SLC36A4: variants seen among roughly 807,000 people sequenced by gnomAD.
The protein encoded by SLC36A4 is neutral amino acid uniporter 4.
A neutral mutation model predicts 50.5 loss-of-function variants in SLC36A4; 49 were observed. The ratio of observed to expected loss-of-function variants is 0.97; its 90% confidence interval spans 0.77 to 1.23. SLC36A4 has a LOEUF of 1.23. SLC36A4 is among the 50% of genes most tolerant of loss of function. The pLI is 0.00. For missense variants in SLC36A4, 611 were observed against 608.4 expected, an observed-to-expected ratio of 1.00 and a Z score of -0.05; for synonymous variants, 207 against 206.5, an observed-to-expected ratio of 1.00 and a Z score of -0.02.
At position 93,180,799 on chromosome 11, in the gene SLC36A4, G is replaced by C; in HGVS notation, c.538C>G (p.Gln180Glu). The change falls in exon 6 of 11, where the codon CAA (glutamine) becomes GAA (glutamate). Residue 180 changes from glutamine (Q) to glutamate (E), a missense_variant and splice_region_variant. Gln to Glu is a conservative substitution (Grantham distance 29). Coordinates refer to ENST00000326402, the MANE Select transcript of SLC36A4 (RefSeq NM_152313.4). ...ACTAACTGGAGAAAAATACTCACTT[G>C]TTTCACATTTTCAGCTAAGAAGACA... Reference protein sequence around the residue: ...YIVFLAENVKQVHEGFLESKV... With the variant: ...YIVFLAENVKEVHEGFLESKV... 1 of 1,608,382 alleles carries C rather than the reference G, an allele frequency of 6.2e-7. No individual in the cohort carries two copies. Among genetic ancestry groups the C allele is most frequent in the Non-Finnish European group, 8.5e-7 (1 of 1,175,576 alleles).
At chr11:93,178,404 C>T (rs1861588137) in intron 6 of SLC36A4, among the ~76,000 whole-genome samples, 1 of 152,120 alleles carries the variant, frequency 6.6e-6, no homozygotes, top group Non-Finnish European at 1.5e-5. Context: ...CACCCACTGT[C>T]CAACAAGCCC....
rs1297093479 is a variant in SLC36A4 at position 93,144,662 on chromosome 11, C to G, written c.*3875G>C. 1.3e-5 allele frequency: 2 copies of G among 151,972 alleles called. No homozygotes were observed. The highest frequency in any genetic ancestry group is 4.8e-5 in the African/African-American group (2 of 41,420). The allele number at this position is 151,972 out of a possible 1,614,324, so 9.4% of individuals were successfully genotyped here. ...TGTTTCCTTATCTCATAGGTCAAAA[C>G]CAATCAGTTTCAGAAAGTTTAGCCT... is the stretch of plus-strand genomic sequence containing the variant. On this transcript the variant is annotated 3_prime_UTR_variant, in exon 11 of 11. Coordinates refer to ENST00000326402, the MANE Select transcript of SLC36A4 (RefSeq NM_152313.4).
At chr11:93,157,098 C>A (rs540155421) in intron 9 of SLC36A4, among the ~76,000 whole-genome samples, 3 of 152,120 alleles carry the variant, frequency 2.0e-5, no homozygotes, top group African/African-American at 2.4e-5. Flanking sequence ...TATTGAATAG[C>A]GAATCCTTTC....
intron 3 of SLC36A4, among the ~76,000 whole-genome samples, chr11:93,184,040 T>G (rs1861868108): frequency 6.6e-6 from 1 of 152,138 alleles, no homozygotes; most frequent in Non-Finnish European, 1.5e-5. Flanking sequence ...ACTGTATATT[T>G]GACTCTAAAA....
intron 6 of SLC36A4, among the ~76,000 whole-genome samples, chr11:93,176,378 C>G (rs1228836211): frequency 2.6e-5 from 4 of 152,156 alleles, no homozygotes; most frequent in Non-Finnish European, 2.9e-5. Context: ...ATACAGCACA[C>G]TGATGGGTCC....
intron 9 of SLC36A4, among the ~76,000 whole-genome samples, chr11:93,157,542 G>C (rs558633634): frequency 2.6e-5 from 4 of 152,176 alleles, no homozygotes; most frequent in African/African-American, 9.6e-5. Context: ...TGTAATTCTT[G>C]TTGTAGAGAT....
chr11:93,160,282 T>C, intron 9 of SLC36A4: 4 of 985,406 alleles, frequency 4.1e-6, no homozygotes, highest in Non-Finnish European at 4.8e-6. Context: ...CAATGCAAAT[T>C]CTCTAAAGGG....
chr11:93,156,807 G>T (rs1324659975), intron 9 of SLC36A4, among the ~76,000 whole-genome samples: 1 of 152,140 alleles, frequency 6.6e-6, no homozygotes, highest in Non-Finnish European at 1.5e-5. Flanking sequence ...TAGGTTGCCT[G>T]TTCACTCTGT....
chr11:93,183,950 G>A (rs1182615087), intron 3 of SLC36A4, among the ~76,000 whole-genome samples: 2 of 151,958 alleles, frequency 1.3e-5, no homozygotes, highest in South Asian at 2.1e-4. Context: ...TGCCCACCTC[G>A]GCCTCCCAGA....
At chr11:93,160,311 G>C in intron 9 of SLC36A4, 1 of 985,386 alleles carries the variant, frequency 1.0e-6, no homozygotes, top group African/African-American at 1.7e-5. Flanking sequence ...GTCTTGACTG[G>C]CTTTCCTGTT....
intron 7 of SLC36A4, chr11:93,166,299 T>C: frequency 8.9e-7 from 1 of 1,124,016 alleles, no homozygotes; most frequent in Non-Finnish European, 1.1e-6. Context: ...CTGTGAACAC[T>C]AGGTATGGCT....
chr11:93,149,900 C>G (rs1373053738), intron 10 of SLC36A4, among the ~76,000 whole-genome samples: 1 of 151,854 alleles, frequency 6.6e-6, no homozygotes, highest in Non-Finnish European at 1.5e-5. Flanking sequence ...TCAGAGGAAG[C>G]TGAGTAGAGG....
intron 1 of SLC36A4, among the ~76,000 whole-genome samples, chr11:93,187,021 G>A (rs1287947431): frequency 6.6e-6 from 1 of 152,122 alleles, no homozygotes; most frequent in Non-Finnish European, 1.5e-5. Flanking sequence ...GGGTCTCATG[G>A]GCACAGTGTT....
At chr11:93,192,162 G>A (rs764553283) in intron 1 of SLC36A4, among the ~76,000 whole-genome samples, 3 of 152,204 alleles carry the variant, frequency 2.0e-5, no homozygotes, top group Non-Finnish European at 4.4e-5. Context: ...CACAAGGATT[G>A]AGACAGCCTC....
intron 6 of SLC36A4, among the ~76,000 whole-genome samples, chr11:93,178,800 C>T (rs1291416284): frequency 2.0e-5 from 3 of 152,168 alleles, no homozygotes; most frequent in Non-Finnish European, 4.4e-5. Context: ...CAAGGATGCC[C>T]ACTCTCACCA....
At chr11:93,158,133 G>T (rs1390946215) in intron 9 of SLC36A4, among the ~76,000 whole-genome samples, 1 of 152,142 alleles carries the variant, frequency 6.6e-6, no homozygotes, top group Non-Finnish European at 1.5e-5. Context: ...ATTAGCTAAG[G>T]ATGTATTTCT....
chr11:93,189,657 T>C (rs1862133206), intron 1 of SLC36A4, among the ~76,000 whole-genome samples: 1 of 152,206 alleles, frequency 6.6e-6, no homozygotes, highest in South Asian at 2.1e-4. Context: ...GTGTGCAGTA[T>C]GTTCTGTGCT....
At chr11:93,162,602 A>T (rs1860674373) in intron 9 of SLC36A4, 104 bp downstream of exon 9, 2 of 1,031,918 alleles carry the variant, frequency 1.9e-6, no homozygotes, top group South Asian at 3.8e-5. Context: ...CACAGTAAAA[A>T]TTTTAAATGT....
intron 6 of SLC36A4, among the ~76,000 whole-genome samples, chr11:93,176,559 T>C (rs1861482855): frequency 6.6e-6 from 1 of 151,998 alleles, no homozygotes; most frequent in African/African-American, 2.4e-5. Flanking sequence ...GTCTTTACAT[T>C]TTGGCATGAT....
Sources: allele counts gnomAD v4.1 joint callset (sites outside exome capture counted in the v4.1 genomes callset), GRCh38; gene constraint gnomAD v4.1.1; transcripts MANE v1.5; gene names NCBI Gene and HGNC (gene_info 2026-07-23, HGNC 2026-07-21).